TFEC: variants seen among roughly 807,000 people sequenced by gnomAD.
TFEC encodes class E basic helix-loop-helix protein 34.
TFEC carries 31 observed loss-of-function variants against 41.6 expected under a neutral mutation model. That is an observed-to-expected ratio of 0.74 (90% CI 0.56 to 1.01). TFEC has a LOEUF of 1.01. TFEC is among the 50% of genes least tolerant of loss of function. The pLI is 0.00. For synonymous variants in TFEC, 143 were observed against 140.6 expected (o/e 1.02, Z -0.12); for missense variants, 402 against 404.1 (o/e 0.99, Z 0.04).
At chr7:116,078,028 AC>A (rs1193823706) in intron 3 of TFEC, among the ~76,000 whole-genome samples, 2 of 152,142 alleles carry the variant, frequency 1.3e-5, no homozygotes, top group African/African-American at 2.4e-5. Flanking sequence ...ATGATAGGCC[AC>A]AAAACAACTA....
Position 115,937,157 on chromosome 7 carries a change from T to TA in TFEC, c.*3393_*3394insT, listed in dbSNP as rs199731893. On this transcript the variant is annotated 3_prime_UTR_variant, in exon 8 of 8. Coordinates refer to ENST00000265440, the MANE Select transcript of TFEC (RefSeq NM_012252.4). ...AAAATGATTGGATGGGATATTTTGT[T>TA]GAAAAAAGAATGAAAAACAATAAAA... 3.8e-3 allele frequency: 571 copies of TA among 151,752 alleles called. 8 individuals are homozygous for TA. Among genetic ancestry groups the TA allele is most frequent in the African/African-American group, 0.012 (516 of 41,510 alleles). The allele number at this position is 151,752 out of a possible 1,614,324, so 9.4% of individuals were successfully genotyped here.
At chr7:116,135,147 G>A (rs752647473) in intron 1 of TFEC, among the ~76,000 whole-genome samples, 4 of 152,020 alleles carry the variant, frequency 2.6e-5, no homozygotes, top group Non-Finnish European at 4.4e-5. Flanking sequence ...CAGAGCCACC[G>A]TGTACCATTT....
intron 1 of TFEC, among the ~76,000 whole-genome samples, chr7:116,136,641 G>A (rs1345435623): frequency 6.6e-6 from 1 of 151,772 alleles, no homozygotes; most frequent in Non-Finnish European, 1.5e-5. Context: ...TATTTATAAT[G>A]TTAACTCATT....
intron 3 of TFEC, among the ~76,000 whole-genome samples, chr7:116,061,933 G>T (rs998025230): frequency 6.6e-6 from 1 of 151,670 alleles, no homozygotes; most frequent in Non-Finnish European, 1.5e-5. Context: ...GTAAAAGACT[G>T]ATCATTCTAA....
At chr7:115,976,817 G>T (rs746761902) in intron 2 of TFEC, among the ~76,000 whole-genome samples, 2 of 152,196 alleles carry the variant, frequency 1.3e-5, no homozygotes, top group Non-Finnish European at 2.9e-5. Flanking sequence ...TTCAGTAAAA[G>T]TTACACATAA....
chr7:116,147,630 C>T (rs971726174), intron 1 of TFEC, among the ~76,000 whole-genome samples: 2 of 148,390 alleles, frequency 1.3e-5, no homozygotes, highest in African/African-American at 5.0e-5. Context: ...GTTCAATTCC[C>T]ACCTATGAGT....
intron 3 of TFEC, among the ~76,000 whole-genome samples, chr7:116,051,375 G>C (rs552703930): frequency 6.6e-6 from 1 of 152,192 alleles, no homozygotes; most frequent in East Asian, 1.9e-4. Context: ...AAAACTGAGG[G>C]ATAAGAGTTC....
rs1584573456 is a variant in TFEC, at chr7:115,953,338, T to A, written c.439+1248A>T. 2.0e-5 allele frequency among the ~76,000 whole-genome samples: 3 copies of A among 152,086 alleles called. No individual in the cohort carries two copies. In the East Asian group the frequency reaches 5.8e-4, roughly 29 times the overall value. On this transcript the variant is annotated intron_variant, in intron 5 of 7. Transcript: ENST00000265440. ...CTGGTAAATTGGACTTACTTTGTAATTTTGCTATGATCATCACAAGTTTTT... is the reference window on the plus strand; with the variant it reads ...CTGGTAAATTGGACTTACTTTGTAAATTTGCTATGATCATCACAAGTTTTT...
At chr7:115,976,902 A>G (rs1793407376) in intron 2 of TFEC, among the ~76,000 whole-genome samples, 1 of 152,178 alleles carries the variant, frequency 6.6e-6, no homozygotes, top group Admixed American at 6.5e-5. Flanking sequence ...TGTTGACTAT[A>G]AAGCATGCTT....
At chr7:116,038,128 G>T (rs1795953286) in intron 3 of TFEC, among the ~76,000 whole-genome samples, 1 of 151,860 alleles carries the variant, frequency 6.6e-6, no homozygotes, top group Non-Finnish European at 1.5e-5. Flanking sequence ...TAAGAACAAG[G>T]AGTTTCTAGA....
intron 1 of TFEC, among the ~76,000 whole-genome samples, chr7:116,154,478 C>G (rs1262591537): frequency 2.6e-5 from 4 of 152,002 alleles, no homozygotes; most frequent in Non-Finnish European, 5.9e-5. Flanking sequence ...GGCATTCATT[C>G]AGGTATATTT....
chr7:115,992,566 A>C (rs1444837827), intron 1 of TFEC, among the ~76,000 whole-genome samples: 1 of 152,182 alleles, frequency 6.6e-6, no homozygotes, highest in Non-Finnish European at 1.5e-5. Flanking sequence ...CCATCAGAGA[A>C]TACTATAAAA....
chr7:115,946,195 T>C (rs1007216226), intron 6 of TFEC, among the ~76,000 whole-genome samples: 1 of 151,272 alleles, frequency 6.6e-6, no homozygotes, highest in Non-Finnish European at 1.5e-5. Context: ...AGTCACATGT[T>C]TAGAGACTTT....
chr7:115,946,608 TTTTC>T lies in TFEC; in HGVS notation c.515+4262_515+4265del, dbSNP rs1373169193. Among the ~76,000 whole-genome samples the T allele has an allele frequency of 5.0e-4, 60 of 119,880 alleles. 3 individuals carry two copies. Among genetic ancestry groups the T allele is most frequent in the South Asian group, 2.2e-3 (7 of 3,222 alleles). 78.6% of individuals were successfully genotyped at this position (119,880 alleles called of 152,430 possible). A position where few individuals can be genotyped will look rare whatever the true frequency, so the allele number is the denominator to read the frequency against. The stretch of plus-strand genomic sequence containing the variant: ...CTCTTTCCTTCTTTCTTTCTTTCTT[TTTTC>T]TTTCTTTCTTTCTCTCTCTCTCTCT... On this transcript the variant is annotated intron_variant, in intron 6 of 7. Coordinates refer to ENST00000265440, the MANE Select transcript of TFEC (RefSeq NM_012252.4).
At chr7:115,996,993 T>C (rs1386655290) in intron 1 of TFEC, among the ~76,000 whole-genome samples, 1 of 152,144 alleles carries the variant, frequency 6.6e-6, no homozygotes, top group Non-Finnish European at 1.5e-5. Flanking sequence ...TGGACTAGCA[T>C]GGGGAGGGGG....
chr7:115,952,387 T>C (rs62477217), intron 5 of TFEC, among the ~76,000 whole-genome samples: 21,396 of 151,894 alleles, frequency 0.14, 2,045 homozygotes, highest in Non-Finnish European at 0.21. Flanking sequence ...ATATATAACA[T>C]ATGCACATAT....
intron 3 of TFEC, among the ~76,000 whole-genome samples, chr7:116,104,396 T>C (rs1017882061): frequency 2.0e-5 from 3 of 152,184 alleles, no homozygotes; most frequent in Non-Finnish European, 2.9e-5. Flanking sequence ...GGGCATTATA[T>C]GACTTCTCTA....
chr7:115,964,781 A>AGG (rs1792757357), intron 3 of TFEC, among the ~76,000 whole-genome samples: 2 of 151,632 alleles, frequency 1.3e-5, no homozygotes, highest in African/African-American at 4.8e-5. Flanking sequence ...AGCCAAGGTA[A>AGG]TAAGGTAAGA....
chr7:116,154,146 AATG>A (rs1284084315), intron 1 of TFEC, among the ~76,000 whole-genome samples: 1 of 152,198 alleles, frequency 6.6e-6, no homozygotes, highest in African/African-American at 2.4e-5. Flanking sequence ...CCATTCTTCA[AATG>A]ATGCTAGTCT....
Sources: gnomAD v4.1 joint callset for allele counts (sites outside exome capture counted in the v4.1 genomes callset) on GRCh38, gnomAD v4.1.1 for gene constraint, MANE v1.5 for transcripts, NCBI Gene and HGNC (gene_info 2026-07-23, HGNC 2026-07-21) for gene names.